SNX29: variants seen among roughly 807,000 people sequenced by gnomAD.
SNX29 encodes sorting nexin-29.
In SNX29, 78 loss-of-function variants were observed where a neutral mutation model predicts 102.1. The observed-to-expected ratio is 0.76, with a 90% CI of 0.64 to 0.92. The LOEUF is 0.92. SNX29 is among the 40% of genes least tolerant of loss of function. The pLI is 0.00. For missense variants in SNX29, 1,280 were observed against 1,061.7 expected (o/e 1.21, Z -2.86); for synonymous variants, 580 against 414.5 (o/e 1.40, Z -4.85).
intron 15 of SNX29, among the ~76,000 whole-genome samples, chr16:12,337,129 C>G (rs917360440): frequency 1.3e-5 from 2 of 152,282 alleles, no homozygotes; most frequent in African/African-American, 4.8e-5. Context: ...TTGCATAAAG[C>G]ATGTCACCTT....
At chr16:12,524,958 C>T (rs1204504795) in intron 20 of SNX29, 117 bp downstream of exon 20, 1 of 1,423,142 alleles carries the variant, frequency 7.0e-7, no homozygotes, top group Non-Finnish European at 9.5e-7. Flanking sequence ...CCATGGGACC[C>T]AGGCGAACTC....
intron 15 of SNX29, among the ~76,000 whole-genome samples, chr16:12,296,515 C>T (rs970005553): frequency 5.9e-5 from 9 of 152,206 alleles, no homozygotes; most frequent in Admixed American, 2.0e-4. Context: ...TAAAATCTTT[C>T]GGTGTTGTGG....
At chr16:12,064,011 C>G (rs1180036846) in intron 9 of SNX29, among the ~76,000 whole-genome samples, 1 of 151,982 alleles carries the variant, frequency 6.6e-6, no homozygotes, top group Non-Finnish European at 1.5e-5. Flanking sequence ...TCTAGGACCC[C>G]TGGGGAGTTT....
intron 18 of SNX29, among the ~76,000 whole-genome samples, chr16:12,460,799 T>G (rs914210625): frequency 6.6e-6 from 1 of 151,898 alleles, no homozygotes; most frequent in African/African-American, 2.4e-5. Flanking sequence ...CTGGGACTAC[T>G]CAGGGTGCAT....
At chr16:12,135,648 A>C in intron 13 of SNX29, 470 of 1,313,884 alleles carry the variant, frequency 3.6e-4, no homozygotes, top group Non-Finnish European at 4.3e-4. Context: ...TGATAGTCTC[A>C]TTTGAGCTCC....
intron 14 of SNX29, among the ~76,000 whole-genome samples, chr16:12,236,186 T>C (rs148456624): frequency 6.6e-6 from 1 of 152,296 alleles, no homozygotes; most frequent in Non-Finnish European, 1.5e-5. Flanking sequence ...CCATCCACTG[T>C]TGCCCCAACA....
chr16:12,540,484 T>G (rs541032479), intron 20 of SNX29, among the ~76,000 whole-genome samples: 10 of 152,228 alleles, frequency 6.6e-5, no homozygotes, highest in South Asian at 4.1e-4. Context: ...AGTCAAGGTG[T>G]CGGCAGGGCT....
intron 11 of SNX29, among the ~76,000 whole-genome samples, chr16:12,114,585 A>C (rs1361180554): frequency 6.9e-6 from 1 of 143,986 alleles, no homozygotes; most frequent in Non-Finnish European, 1.5e-5. Flanking sequence ...TTTTTTTTTA[A>C]TTTTGTTTTT....
intron 19 of SNX29, among the ~76,000 whole-genome samples, chr16:12,503,118 C>A (rs942253653): frequency 6.6e-6 from 1 of 152,156 alleles, no homozygotes; most frequent in Non-Finnish European, 1.5e-5. Flanking sequence ...CCCCCACCCC[C>A]AGGGTCGCCT....
intron 14 of SNX29, among the ~76,000 whole-genome samples, chr16:12,243,308 G>A (rs111961351): frequency 0.036 from 5,493 of 152,260 alleles, 354 homozygotes; most frequent in African/African-American, 0.13. Context: ...CCCTAGCCTG[G>A]ACAGGTTTCC....
intron 14 of SNX29, among the ~76,000 whole-genome samples, chr16:12,267,572 C>T (rs1196513945): frequency 6.6e-6 from 1 of 152,166 alleles, no homozygotes; most frequent in Non-Finnish European, 1.5e-5. Context: ...GAGCCCAAGA[C>T]CATGGCAGGG....
intron 11 of SNX29, among the ~76,000 whole-genome samples, chr16:12,113,735 A>G (rs2053583656): frequency 6.6e-6 from 1 of 152,228 alleles, no homozygotes; most frequent in African/African-American, 2.4e-5. Context: ...GGGCCATGGC[A>G]GACTCAGGGC....
intron 18 of SNX29, among the ~76,000 whole-genome samples, chr16:12,419,764 C>T (rs1010533322): frequency 6.6e-6 from 1 of 152,210 alleles, no homozygotes; most frequent in African/African-American, 2.4e-5. Context: ...TCTCAATGGT[C>T]TAGGCCATAC....
At chr16:12,092,384 C>T (rs1182243294) in intron 11 of SNX29, among the ~76,000 whole-genome samples, 1 of 152,180 alleles carries the variant, frequency 6.6e-6, no homozygotes. Flanking sequence ...TGAATTGAAA[C>T]CGAGTTCCCA....
At chr16:12,167,323 GA>G (rs1180133040) in intron 13 of SNX29, among the ~76,000 whole-genome samples, 2 of 152,176 alleles carry the variant, frequency 1.3e-5, no homozygotes, top group Non-Finnish European at 2.9e-5. Flanking sequence ...AGGTTGCAGA[GA>G]GGTGGCTGTG....
At chr16:12,031,141 C>T (rs1275090725) in intron 4 of SNX29, among the ~76,000 whole-genome samples, 4 of 151,884 alleles carry the variant, frequency 2.6e-5, no homozygotes, top group Non-Finnish European at 5.9e-5. Context: ...GGTGCGATCT[C>T]GGCTCACTGC....
chr16:12,259,451 G>T (rs1185443034), intron 14 of SNX29, among the ~76,000 whole-genome samples: 1 of 152,082 alleles, frequency 6.6e-6, no homozygotes, highest in African/African-American at 2.4e-5. Flanking sequence ...TGGGTGAGGG[G>T]GATGCTGGGA....
At chr16:12,052,299 C>T (rs1461349803) in intron 8 of SNX29, 77 bp downstream of exon 8, 2 of 1,518,978 alleles carry the variant, frequency 1.3e-6, no homozygotes, top group Non-Finnish European at 1.8e-6. Context: ...TCACTGCAAC[C>T]TCCACCTCCC....
intron 20 of SNX29, among the ~76,000 whole-genome samples, chr16:12,562,844 C>T (rs965846845): frequency 2.0e-5 from 3 of 152,168 alleles, no homozygotes; most frequent in African/African-American, 7.2e-5. Context: ...CCCCTATAGG[C>T]AACCCGACAG....
Sources: gnomAD v4.1 joint callset for allele counts (sites outside exome capture counted in the v4.1 genomes callset) on GRCh38, gnomAD v4.1.1 for gene constraint, MANE v1.5 for transcripts, NCBI Gene and HGNC (gene_info 2026-07-23, HGNC 2026-07-21) for gene names.